Variants in ABTB3 observed in about 807,000 individuals in gnomAD.
The protein encoded by ABTB3 is ankyrin repeat- and BTB/POZ domain-containing protein 3.
chr12:107,474,399 G>A, the ABTB3 span, among the ~76,000 whole-genome samples: 2 of 152,148 alleles, frequency 1.3e-5, no homozygotes, highest in African/African-American at 4.8e-5. Context: ...TTTATAACAC[G>A]ATATTGACAC....
At chr12:107,324,911 T>A in the ABTB3 span, among the ~76,000 whole-genome samples, 1 of 152,210 alleles carries the variant, frequency 6.6e-6, no homozygotes, top group African/African-American at 2.4e-5. Context: ...GACTTAATTT[T>A]GCTGAACTTA....
the ABTB3 span, among the ~76,000 whole-genome samples, chr12:107,457,836 A>G: frequency 6.6e-6 from 1 of 152,216 alleles, no homozygotes; most frequent in African/African-American, 2.4e-5. Flanking sequence ...GCAGGAGGCA[A>G]TCAGGACATT....
chr12:107,447,711 T>C, the ABTB3 span, among the ~76,000 whole-genome samples: 2 of 152,182 alleles, frequency 1.3e-5, no homozygotes, highest in African/African-American at 4.8e-5. Context: ...AGCTCACAGG[T>C]CAACCCATGT....
At chr12:107,617,002 G>A in the ABTB3 span, 2 of 1,357,858 alleles carry the variant, frequency 1.5e-6, no homozygotes, top group Admixed American at 3.4e-5. Flanking sequence ...AGGAGTGCTG[G>A]CATCTCACCC....
the ABTB3 span, among the ~76,000 whole-genome samples, chr12:107,478,721 C>T: frequency 2.6e-5 from 4 of 152,014 alleles, no homozygotes. Context: ...GTGCGGGGAG[C>T]TTGAAACCCC....
chr12:107,387,399 C>T, the ABTB3 span, among the ~76,000 whole-genome samples: 5 of 152,278 alleles, frequency 3.3e-5, no homozygotes, highest in South Asian at 1.0e-3. Context: ...TCAGCCTACA[C>T]CTAAGTCAGT....
chr12:107,413,465 G>A, the ABTB3 span, among the ~76,000 whole-genome samples: 10 of 152,134 alleles, frequency 6.6e-5, no homozygotes, highest in Non-Finnish European at 1.3e-4. Context: ...ATCCAAGCAG[G>A]ACACTCTAGT....
At chr12:107,582,311 T>G in the ABTB3 span, among the ~76,000 whole-genome samples, 1 of 152,232 alleles carries the variant, frequency 6.6e-6, no homozygotes, top group Non-Finnish European at 1.5e-5. Flanking sequence ...AAGTAGGTAC[T>G]GTGATTATGC....
At chr12:107,338,788 G>A in the ABTB3 span, among the ~76,000 whole-genome samples, 44 of 152,234 alleles carry the variant, frequency 2.9e-4, no homozygotes, top group African/African-American at 9.6e-4. Context: ...GAGGCTCCTC[G>A]AGAGCCACCC....
At chr12:107,364,801 C>T in the ABTB3 span, among the ~76,000 whole-genome samples, 74 of 152,254 alleles carry the variant, frequency 4.9e-4, no homozygotes, top group African/African-American at 1.6e-3. Flanking sequence ...GCATGCAGTA[C>T]GTGTAAGTGC....
the ABTB3 span, among the ~76,000 whole-genome samples, chr12:107,322,262 C>A: frequency 6.6e-6 from 1 of 152,178 alleles, no homozygotes; most frequent in African/African-American, 2.4e-5. Flanking sequence ...CCATCACAAC[C>A]TCTCCCACAC....
At chr12:107,570,446 C>T in the ABTB3 span, among the ~76,000 whole-genome samples, 8 of 152,146 alleles carry the variant, frequency 5.3e-5, no homozygotes, top group African/African-American at 1.7e-4. Context: ...AACTCCTAAC[C>T]TCAGGTGACC....
chr12:107,617,712 C>T, the ABTB3 span: 9 of 449,384 alleles, frequency 2.0e-5, no homozygotes, highest in South Asian at 4.4e-5. Flanking sequence ...GCTCAGGGCA[C>T]GTCATGTCAG....
the ABTB3 span, among the ~76,000 whole-genome samples, chr12:107,320,807 C>T: frequency 6.6e-6 from 1 of 152,084 alleles, no homozygotes; most frequent in Non-Finnish European, 1.5e-5. Flanking sequence ...AGCTGCAGCT[C>T]TCACCACTTG....
At chr12:107,467,570 G>T in the ABTB3 span, among the ~76,000 whole-genome samples, 1 of 152,080 alleles carries the variant, frequency 6.6e-6, no homozygotes, top group Non-Finnish European at 1.5e-5. Flanking sequence ...CCTGGATTCT[G>T]CGTTACTCCA....
the ABTB3 span, among the ~76,000 whole-genome samples, chr12:107,327,035 A>G: frequency 6.6e-6 from 1 of 152,190 alleles, no homozygotes; most frequent in Admixed American, 6.5e-5. Context: ...CGTGGGCAGT[A>G]TGGCCTTCTT....
the ABTB3 span, chr12:107,649,103 G>A: frequency 2.0e-6 from 2 of 990,112 alleles, no homozygotes; most frequent in Non-Finnish European, 3.1e-6. Context: ...TGGAATGGAT[G>A]TCCTAGAGGT....
the ABTB3 span, among the ~76,000 whole-genome samples, chr12:107,563,317 T>C: frequency 1.3e-5 from 2 of 152,214 alleles, no homozygotes; most frequent in Non-Finnish European, 2.9e-5. Context: ...TTAACAATCA[T>C]TCATTCACTC....
chr12:107,361,611 G>A, the ABTB3 span, among the ~76,000 whole-genome samples: 1 of 152,178 alleles, frequency 6.6e-6, no homozygotes, highest in Non-Finnish European at 1.5e-5. Flanking sequence ...CCCCCAGAAA[G>A]GTTGCAGTGA....
Sources: gnomAD v4.1 joint callset for allele counts (sites outside exome capture counted in the v4.1 genomes callset) on GRCh38, gnomAD v4.1.1 for gene constraint, MANE v1.5 for transcripts, NCBI Gene and HGNC (gene_info 2026-07-23, HGNC 2026-07-21) for gene names.